Variants in PTPRD observed in about 807,000 individuals in gnomAD.
The protein encoded by PTPRD is receptor-type tyrosine-protein phosphatase delta.
PTPRD carries 34 observed loss-of-function variants against 214.5 expected under a neutral mutation model. That is an observed-to-expected ratio of 0.16 (90% CI 0.12 to 0.21). The LOEUF is 0.21. PTPRD is among the 10% of genes least tolerant of loss of function. The pLI is 1.00. For synonymous variants in PTPRD, 1,128 were observed against 845.7 expected (o/e 1.33, Z -5.79); for missense variants, 2,545 against 2,398.7 (o/e 1.06, Z -1.27).
intron 9 of PTPRD, among the ~76,000 whole-genome samples, chr9:9,272,336 T>A (rs1200506352): frequency 6.6e-6 from 1 of 151,334 alleles, no homozygotes; most frequent in African/African-American, 2.4e-5. Context: ...ATTAAAAAAA[T>A]AAATTGAAAG....
At chr9:9,529,272 CA>C (rs763492022) in intron 8 of PTPRD, among the ~76,000 whole-genome samples, 7,425 of 95,970 alleles carry the variant, frequency 0.077, 325 homozygotes, top group African/African-American at 0.16. Flanking sequence ...AAACTCCAAA[CA>C]AAAAAAAAAA....
At chr9:9,841,157 T>C (rs2058239347) in intron 5 of PTPRD, among the ~76,000 whole-genome samples, 1 of 152,170 alleles carries the variant, frequency 6.6e-6, no homozygotes, top group Non-Finnish European at 1.5e-5. Flanking sequence ...AGTAAAAATA[T>C]CTAAATTATT....
intron 9 of PTPRD, among the ~76,000 whole-genome samples, chr9:9,389,166 A>C (rs1327284792): frequency 1.3e-5 from 2 of 152,154 alleles, no homozygotes; most frequent in East Asian, 3.8e-4. Flanking sequence ...AATAGGGGTA[A>C]TATATCTAGC....
chr9:8,622,516 ATATATG>A (rs1330790285), intron 14 of PTPRD, among the ~76,000 whole-genome samples: 2 of 151,980 alleles, frequency 1.3e-5, no homozygotes, highest in South Asian at 2.1e-4. Context: ...CAACCACAGT[ATATATG>A]TATAACTGCC....
At chr9:10,455,610 C>T (rs1327926924) in intron 2 of PTPRD, among the ~76,000 whole-genome samples, 1 of 151,750 alleles carries the variant, frequency 6.6e-6, no homozygotes, top group Non-Finnish European at 1.5e-5. Context: ...CCTTCTCTCT[C>T]TCCCCTTTTG....
At chr9:9,904,040 C>T (rs2076999666) in intron 5 of PTPRD, among the ~76,000 whole-genome samples, 1 of 152,126 alleles carries the variant, frequency 6.6e-6, no homozygotes, top group Admixed American at 6.6e-5. Flanking sequence ...AAGTTCAGTC[C>T]TCCAGGTGCA....
intron 7 of PTPRD, among the ~76,000 whole-genome samples, chr9:9,724,392 G>A (rs1316931797): frequency 1.3e-5 from 2 of 152,166 alleles, no homozygotes; most frequent in African/African-American, 4.8e-5. Flanking sequence ...TGTTCAAGTT[G>A]TGTGCTTAAT....
At chr9:8,371,509 T>C (rs930114656) in intron 39 of PTPRD, among the ~76,000 whole-genome samples, 1 of 152,016 alleles carries the variant, frequency 6.6e-6, no homozygotes, top group Non-Finnish European at 1.5e-5. Flanking sequence ...TATTTAATTC[T>C]TCCTGTGGGA....
intron 9 of PTPRD, among the ~76,000 whole-genome samples, chr9:9,386,520 C>G (rs902803623): frequency 2.6e-5 from 4 of 152,080 alleles, no homozygotes; most frequent in African/African-American, 7.2e-5. Flanking sequence ...ATGATTAAGT[C>G]TTCCAAGTCA....
chr9:10,126,741 T>G (rs1563982272), intron 3 of PTPRD, among the ~76,000 whole-genome samples: 1 of 152,176 alleles, frequency 6.6e-6, no homozygotes, highest in South Asian at 2.1e-4. Context: ...GGATGGGTAT[T>G]GACTGTCATC....
chr9:8,556,898 A>C (rs2083971912), intron 14 of PTPRD, among the ~76,000 whole-genome samples: 1 of 152,218 alleles, frequency 6.6e-6, no homozygotes, highest in Non-Finnish European at 1.5e-5. Context: ...TAGAAAGACA[A>C]GCCAATAAAA....
intron 33 of PTPRD, among the ~76,000 whole-genome samples, chr9:8,454,402 A>G (rs2096093685): frequency 6.6e-6 from 1 of 152,070 alleles, no homozygotes; most frequent in Admixed American, 6.5e-5. Flanking sequence ...CAAAATATTT[A>G]TTTTCCCCAG....
At chr9:10,140,648 C>G (rs1027205892) in intron 3 of PTPRD, among the ~76,000 whole-genome samples, 1 of 152,074 alleles carries the variant, frequency 6.6e-6, no homozygotes, top group East Asian at 1.9e-4. Context: ...GATGGATTGA[C>G]AGCCGAATTC....
At chr9:10,514,197 T>C (rs1054244461) in intron 2 of PTPRD, among the ~76,000 whole-genome samples, 1 of 152,104 alleles carries the variant, frequency 6.6e-6, no homozygotes, top group Non-Finnish European at 1.5e-5. Context: ...AATTTATACA[T>C]AGATACATAT....
intron 11 of PTPRD, among the ~76,000 whole-genome samples, chr9:8,891,477 G>A (rs1032377901): frequency 7.3e-5 from 11 of 150,600 alleles, no homozygotes; most frequent in Non-Finnish European, 1.3e-4. Flanking sequence ...TTTAACATAC[G>A]TGGAAAAGAG....
At chr9:10,233,133 G>A (rs2099617530) in intron 3 of PTPRD, among the ~76,000 whole-genome samples, 1 of 151,988 alleles carries the variant, frequency 6.6e-6, no homozygotes, top group African/African-American at 2.4e-5. Context: ...GGCTTGCAAA[G>A]CACATGGAAA....
rs1010722436 is a variant in PTPRD at position 8,376,661 on chromosome 9, C to A, written c.4452G>T (p.Leu1484=). The A allele has an allele frequency of 3.7e-6, 6 of 1,613,012 alleles. No individual in the cohort carries two copies. In the African/African-American group the frequency reaches 8.0e-5, roughly 22 times the overall value. The change falls in exon 38 of 46, where the codon CTG becomes CTT. Residue 1484 remains leucine, a synonymous_variant. Coordinates refer to ENST00000381196, the MANE Select transcript of PTPRD (RefSeq NM_002839.4). ...ATGTGGCCAGCTCCACAGTATCAAG[C>A]AGCGTTACTTGAACGAGTCCGTGGG... ...TETHGLVQVT[L]LDTVELATYC... is the part of the protein sequence containing the mutation.
At chr9:9,588,212 C>G (rs777978992) in intron 7 of PTPRD, among the ~76,000 whole-genome samples, 2 of 151,774 alleles carry the variant, frequency 1.3e-5, no homozygotes, top group African/African-American at 4.8e-5. Context: ...AAGGACTAAC[C>G]TTAGTCCTTA....
At chr9:9,770,977 C>G (rs969899195) in intron 5 of PTPRD, among the ~76,000 whole-genome samples, 1 of 152,138 alleles carries the variant, frequency 6.6e-6, no homozygotes, top group Non-Finnish European at 1.5e-5. Context: ...AACTACAAAT[C>G]TTTCCTGTGT....
Sources: gnomAD v4.1 joint callset for allele counts (sites outside exome capture counted in the v4.1 genomes callset) on GRCh38, gnomAD v4.1.1 for gene constraint, MANE v1.5 for transcripts, NCBI Gene and HGNC (gene_info 2026-07-23, HGNC 2026-07-21) for gene names.